The following MROH2A variants were observed in gnomAD, a reference collection of about 807,000 sequenced individuals.
The protein encoded by MROH2A is maestro heat-like repeat-containing protein family member 2A.
In MROH2A, 174 loss-of-function variants were observed where a neutral mutation model predicts 200.4. That is an observed-to-expected ratio of 0.87 (90% CI 0.77 to 0.98). The LOEUF is 0.98. Among genes scored for constraint, MROH2A ranks in the 50% least tolerant of loss-of-function variants. MROH2A has a pLI of 0.00. For missense variants in MROH2A, 2,045 were observed against 2,139.6 expected (o/e 0.96, Z 0.87); for synonymous variants, 829 against 840.4 (o/e 0.99, Z 0.23).
chr2:233,803,007 G>A (rs926861774), intron 15 of MROH2A, among the ~76,000 whole-genome samples: 6 of 152,200 alleles, frequency 3.9e-5, no homozygotes, highest in African/African-American at 9.7e-5. Flanking sequence ...AGGCCTGGCC[G>A]TGCCCTTGTC....
chr2:233,827,889 G>C (rs980880724), intron 35 of MROH2A, among the ~76,000 whole-genome samples: 9 of 152,060 alleles, frequency 5.9e-5, no homozygotes, highest in African/African-American at 2.2e-4. Context: ...ATTTAAAATA[G>C]GTTGTGATCG....
intron 6 of MROH2A, among the ~76,000 whole-genome samples, chr2:233,793,404 A>G (rs1172142274): frequency 1.3e-5 from 2 of 152,150 alleles, no homozygotes; most frequent in Non-Finnish European, 2.9e-5. Context: ...AATCCCCAGG[A>G]TGTGGGCAGG....
At chr2:233,805,132 G>T (rs1386273534) in intron 19 of MROH2A, 21 bp downstream of exon 19, 1 of 1,507,008 alleles carries the variant, frequency 6.6e-7, no homozygotes, top group Admixed American at 2.0e-5. Context: ...ATAGGGACAG[G>T]AGAGTTTGGA....
At position 233,807,461 on chromosome 2, in the gene MROH2A, A is replaced by G. The variant is rs1702873570; in HGVS notation, c.2091A>G (p.Thr697=). Residue 697 remains threonine, a synonymous_variant, in exon 20 of 42, where the codon ACA becomes ACG. Coordinates refer to ENST00000389758, the MANE Select transcript of MROH2A (RefSeq NM_001394639.1). This position sits in a 1 kb window ranked among gnomAD's most constrained non-coding sequence, Gnocchi z 4.3. Reference sequence around the variant, plus strand: ...GGGCCTTGGGCTTCACCTTGGCCACAGGCCTGGAGGCCAGCAAGGTGGAGG... The same window carrying G: ...GGGCCTTGGGCTTCACCTTGGCCACGGGCCTGGAGGCCAGCAAGGTGGAGG... ...LYRALGFTLA[T]GLEASKVEVL... is the part of the protein sequence containing the mutation. The G allele has an allele frequency of 6.4e-7, 1 of 1,550,598 alleles. No individual in the cohort carries two copies. Among genetic ancestry groups the G allele is most frequent in the Non-Finnish European group, 8.7e-7 (1 of 1,146,986 alleles).
At chr2:233,809,974 G>A (rs2126144151) in intron 22 of MROH2A, among the ~76,000 whole-genome samples, 1 of 152,260 alleles carries the variant, frequency 6.6e-6, no homozygotes, top group East Asian at 1.9e-4. Flanking sequence ...GACTAGTCCA[G>A]GTACCTCATC....
chr2:233,778,472 C>T lies in MROH2A; in HGVS notation c.-24C>T, dbSNP rs34670649. ...TATCTGTTTAATCCAGAAGAAGACC[C>T]TAAGGAAAGGTCAGTATTTAGGTCC... On this transcript the variant is annotated 5_prime_UTR_variant, in exon 1 of 42. Coordinates refer to ENST00000389758, the MANE Select transcript of MROH2A (RefSeq NM_001394639.1). 3,120 of 169,324 alleles carry T rather than the reference C, an allele frequency of 0.018. 96 individuals carry two copies. Among genetic ancestry groups the T allele is most frequent in the African/African-American group, 0.07 (2,923 of 41,594 alleles). The allele number at this position is 169,324 out of a possible 1,614,324, so 10.5% of individuals were successfully genotyped here. A position where few individuals can be genotyped will look rare whatever the true frequency, so the allele number is the denominator to read the frequency against.
chr2:233,780,653 A>G (rs2126078584), intron 3 of MROH2A, among the ~76,000 whole-genome samples: 1 of 152,372 alleles, frequency 6.6e-6, no homozygotes, highest in Middle Eastern at 3.4e-3. Flanking sequence ...ATATTTCAAA[A>G]CATATATACA....
chr2:233,804,365 C>A (rs1336621432), intron 17 of MROH2A, 130 bp from the exon 18 acceptor site: 1 of 1,306,396 alleles, frequency 7.7e-7, no homozygotes, highest in Non-Finnish European at 1.1e-6. Context: ...GAGTGCAATG[C>A]AACGTGTGAT....
intron 27 of MROH2A, 32 bp from the exon 28 acceptor site, chr2:233,817,970 A>T (rs6756004): frequency 0.096 from 149,329 of 1,550,020 alleles, 9,907 homozygotes; most frequent in East Asian, 0.35. Flanking sequence ...GAGAGCACAG[A>T]GGTGTGAGCC....
intron 23 of MROH2A, among the ~76,000 whole-genome samples, chr2:233,811,660 G>C (rs1050427898): frequency 1.3e-5 from 2 of 152,258 alleles, no homozygotes; most frequent in Non-Finnish European, 2.9e-5. Context: ...ACAGCAAGTA[G>C]ATGAGCAGCG....
At chr2:233,804,434 A>T in intron 17 of MROH2A, 61 bp from the exon 18 acceptor site, 3 of 1,526,472 alleles carry the variant, frequency 2.0e-6, no homozygotes, top group Non-Finnish European at 2.7e-6. Flanking sequence ...GGCCTTGAAT[A>T]CCAGGCTTAG....
At chr2:233,814,527 G>A (rs1201618587) in intron 25 of MROH2A, 55 bp from the exon 26 acceptor site, 2 of 1,305,476 alleles carry the variant, frequency 1.5e-6, no homozygotes, top group Non-Finnish European at 2.2e-6. Context: ...CTGCAGGGAG[G>A]GGGGTTGTGG....
intron 3 of MROH2A, among the ~76,000 whole-genome samples, chr2:233,780,300 G>A (rs1575885145): frequency 6.6e-6 from 1 of 152,284 alleles, no homozygotes; most frequent in East Asian, 1.9e-4. Context: ...ACCAGACAAG[G>A]TTTTGGACTA....
chr2:233,795,682 C>A lies in MROH2A; in HGVS notation c.996C>A (p.Val332=), dbSNP rs753268766. The part of the protein sequence containing the change: ...QVLRQILELS[V]TTNTPVPQMQ... Reference sequence around the variant, plus strand: ...TGAGGCAGATCCTGGAACTGTCAGTCACCACCAACACCCCTGTCCCCCAAA... The same window carrying A: ...TGAGGCAGATCCTGGAACTGTCAGTAACCACCAACACCCCTGTCCCCCAAA... Residue 332 remains valine, a synonymous_variant, in exon 9 of 42, where the codon GTC becomes GTA. Transcript: ENST00000389758. 6.4e-7 allele frequency: 1 copy of A among 1,551,112 alleles called. No homozygotes were observed. Among genetic ancestry groups the A allele is most frequent in the Non-Finnish European group, 8.7e-7 (1 of 1,147,062 alleles).
intron 3 of MROH2A, among the ~76,000 whole-genome samples, chr2:233,783,069 C>T (rs1416176534): frequency 1.3e-5 from 2 of 152,214 alleles, no homozygotes; most frequent in East Asian, 3.8e-4. Context: ...ATGAATCCCA[C>T]TTGATCACGG....
rs1430910639 is a variant in MROH2A, at chr2:233,828,794, C to T, written c.4263+15C>T. ...CCCCCAAGAAGGTACTGTGCCTGGCCCTGGGCCCAGGTCCCGGGAGCTGAG... is the reference window on the plus strand; with the variant it reads ...CCCCCAAGAAGGTACTGTGCCTGGCTCTGGGCCCAGGTCCCGGGAGCTGAG... On this transcript the variant is annotated intron_variant, in intron 36 of 41. Coordinates refer to ENST00000389758, the MANE Select transcript of MROH2A (RefSeq NM_001394639.1). This position sits in a 1 kb window ranked among gnomAD's most constrained non-coding sequence, Gnocchi z 4.6. 2 of 1,549,606 alleles carry T rather than the reference C, an allele frequency of 1.3e-6. No homozygotes were observed. Among genetic ancestry groups the T allele is most frequent in the Non-Finnish European group, 1.7e-6 (2 of 1,146,388 alleles).
chr2:233,817,113 G>A (rs969387234), intron 27 of MROH2A, among the ~76,000 whole-genome samples: 15 of 152,158 alleles, frequency 9.9e-5, no homozygotes, highest in Non-Finnish European at 1.6e-4. Flanking sequence ...CTTCTGTAGC[G>A]GTGAGAGCCC....
chr2:233,816,675 TTGAAA>T, intron 26 of MROH2A, 101 bp from the exon 27 acceptor site: 1 of 660,180 alleles, frequency 1.5e-6, no homozygotes, highest in Middle Eastern at 4.0e-4. Flanking sequence ...CAAGGAAGCA[TTGAAA>T]GTCGATCTGA....
In MROH2A at chr2:233,789,934, A is replaced by G. The variant is rs1421308617; in HGVS notation, c.491A>G (p.Glu164Gly). The stretch of plus-strand genomic sequence containing the variant: ...AACCACTTCAGCTTGGTCATGTACG[A>G]GCTGCAGCACCACCTCAAGCCCCTC... ...SRNHFSLVMY[E>G]LQHHLKPLNL... The change falls in exon 5 of 42, where the codon GAG becomes GGG. Residue 164 changes from glutamate (E) to glycine (G), a missense_variant. Coordinates refer to ENST00000389758, the MANE Select transcript of MROH2A (RefSeq NM_001394639.1). The G allele has an allele frequency of 1.3e-6, 2 of 1,550,330 alleles. No individual in the cohort carries two copies. Among genetic ancestry groups the G allele is most frequent in the African/African-American group, 2.7e-5 (2 of 73,002 alleles).
Sources: gnomAD v4.1 joint callset for allele counts (sites outside exome capture counted in the v4.1 genomes callset) on GRCh38, gnomAD v4.1.1 for gene constraint, Gnocchi (gnomAD v3.1) non-coding constraint, MANE v1.5 for transcripts, NCBI Gene and HGNC (gene_info 2026-07-23, HGNC 2026-07-21) for gene names.